Variants in PCDHA9 observed in about 807,000 individuals in gnomAD.
PCDHA9 encodes the protein protocadherin alpha 9, also known as protocadherin alpha-9.
A neutral mutation model predicts 62.0 loss-of-function variants in PCDHA9; 62 were observed. That is an observed-to-expected ratio of 1.00 (90% confidence interval 0.81 to 1.23). The LOEUF (loss-of-function observed/expected upper bound fraction) is 1.23. Ranked by LOEUF, PCDHA9 falls within the 50% of genes most tolerant of loss-of-function variation. PCDHA9 has a pLI of 0.00. For missense variants in PCDHA9, 1,205 were observed against 1,249.8 expected (o/e 0.96, Z 0.54); for synonymous variants, 557 against 567.6 (o/e 0.98, Z 0.27).
intron 1 of PCDHA9, among the ~76,000 whole-genome samples, chr5:140,961,071 G>GT (rs2095588240): frequency 6.6e-6 from 1 of 152,208 alleles, no homozygotes; most frequent in African/African-American, 2.4e-5. Flanking sequence ...GATATCTGGA[G>GT]TATCAAGTAA....
intron 1 of PCDHA9, chr5:140,869,872 A>G: frequency 6.2e-7 from 1 of 1,610,558 alleles, no homozygotes; most frequent in Admixed American, 1.7e-5. Context: ...AAATGCTGCT[A>G]AAGAAACTCT....
chr5:140,875,932 C>T, intron 1 of PCDHA9: 3 of 1,614,154 alleles, frequency 1.9e-6, no homozygotes, highest in South Asian at 1.1e-5. Flanking sequence ...TCATTTTCCT[C>T]TAGAGGGCGC....
intron 1 of PCDHA9, chr5:140,966,785 A>G: frequency 6.6e-7 from 1 of 1,522,872 alleles, no homozygotes. Flanking sequence ...GGCGGGCACC[A>G]GACCTGCGGC....
intron 1 of PCDHA9, among the ~76,000 whole-genome samples, chr5:140,964,203 C>T (rs2095816993): frequency 6.6e-6 from 1 of 152,212 alleles, no homozygotes; most frequent in African/African-American, 2.4e-5. Context: ...TATACCATCT[C>T]TTTAGTACAA....
At chr5:140,897,682 A>G (rs1397590916) in intron 1 of PCDHA9, among the ~76,000 whole-genome samples, 3 of 152,186 alleles carry the variant, frequency 2.0e-5, no homozygotes, top group Non-Finnish European at 4.4e-5. Flanking sequence ...AGCATGATTT[A>G]TAGTCCTTTG....
At chr5:140,977,936 A>G (rs1444613652) in intron 1 of PCDHA9, among the ~76,000 whole-genome samples, 2 of 152,202 alleles carry the variant, frequency 1.3e-5, no homozygotes, top group African/African-American at 4.8e-5. Context: ...CTATACCTCA[A>G]TATTCAGTGA....
At chr5:140,989,325 G>A (rs1389327103) in intron 3 of PCDHA9, among the ~76,000 whole-genome samples, 5 of 152,164 alleles carry the variant, frequency 3.3e-5, no homozygotes, top group African/African-American at 1.2e-4. Flanking sequence ...CACCAACTTT[G>A]CCACCTGACT....
intron 1 of PCDHA9, chr5:140,966,547 G>A (rs2096020137): frequency 2.1e-6 from 1 of 467,502 alleles, no homozygotes; most frequent in Non-Finnish European, 3.6e-6. Context: ...ACTCGGAGGC[G>A]AGCGGAGGAG....
rs1299546647 is a variant in PCDHA9 at position 140,935,314 on chromosome 5, A to T, written c.2395-43635A>T. 2.0e-5 allele frequency among the ~76,000 whole-genome samples: 3 copies of T among 152,208 alleles called. No homozygotes were observed. In the East Asian group the frequency reaches 5.8e-4, roughly 29 times the overall value. ...TCCGAGGTTTTTACTTAACTTCATC[A>T]ATCTTACATTCCTATTTCTCCCATA... On this transcript the variant is annotated intron_variant, in intron 1 of 3. Transcript: ENST00000532602.
At chr5:140,969,297 T>C in intron 1 of PCDHA9, 2 of 1,614,200 alleles carry the variant, frequency 1.2e-6, no homozygotes, top group Non-Finnish European at 1.7e-6. Context: ...GGGAACCTGA[T>C]TATTCTCAAA....
At chr5:140,967,690 C>T (rs782694266) in intron 1 of PCDHA9, 1 of 1,614,190 alleles carries the variant, frequency 6.2e-7, no homozygotes, top group Admixed American at 1.7e-5. Flanking sequence ...GGCAGCTCTT[C>T]AGCATAGATG....
chr5:140,910,808 G>A (rs535429898), intron 1 of PCDHA9, among the ~76,000 whole-genome samples: 1 of 152,170 alleles, frequency 6.6e-6, no homozygotes, highest in South Asian at 2.1e-4. Flanking sequence ...TGCTTAGTGG[G>A]CCCAAATCAA....
intron 1 of PCDHA9, among the ~76,000 whole-genome samples, chr5:140,942,239 T>C (rs1554214876): frequency 6.6e-6 from 1 of 152,156 alleles, no homozygotes; most frequent in African/African-American, 2.4e-5. Context: ...AAATAAGATA[T>C]CCATATCATT....
intron 1 of PCDHA9, among the ~76,000 whole-genome samples, chr5:140,941,191 T>TTTTTTTCTTTCTTTCTTTC (rs1554213809): frequency 2.1e-5 from 2 of 93,258 alleles, no homozygotes; most frequent in Admixed American, 1.2e-4. Context: ...GCTTCTTTTT[T>TTTTTTTCTTTCTTTCTTTC]TTTCTTTCTT....
chr5:140,921,228 T>G (rs1401455945), intron 1 of PCDHA9, among the ~76,000 whole-genome samples: 11 of 152,154 alleles, frequency 7.2e-5, no homozygotes, highest in African/African-American at 2.7e-4. Context: ...TTTTGCTAGA[T>G]GATATTAAGC....
At chr5:140,883,105 C>T in intron 1 of PCDHA9, 1 of 1,614,056 alleles carries the variant, frequency 6.2e-7, no homozygotes, top group Non-Finnish European at 8.5e-7. Context: ...ATATAGTTTA[C>T]TCATTTAGAA....
intron 1 of PCDHA9, among the ~76,000 whole-genome samples, chr5:140,878,613 C>T (rs1413546987): frequency 1.3e-5 from 2 of 152,184 alleles, no homozygotes; most frequent in Admixed American, 6.5e-5. Context: ...TTCTAATGTG[C>T]ATTTTACATA....
chr5:140,908,050 G>A (rs1554193217), intron 1 of PCDHA9, among the ~76,000 whole-genome samples: 1 of 152,120 alleles, frequency 6.6e-6, no homozygotes, highest in African/African-American at 2.4e-5. Context: ...TGCACATCCG[G>A]CCATTTCTCC....
At chr5:140,865,669 A>G (rs546524670) in intron 1 of PCDHA9, 4 of 152,306 alleles carry the variant, frequency 2.6e-5, no homozygotes, top group African/African-American at 9.6e-5. Flanking sequence ...ACTTATAACA[A>G]TTTCTAAAGT....
Sources: allele counts gnomAD v4.1 joint callset (sites outside exome capture counted in the v4.1 genomes callset), GRCh38; gene constraint gnomAD v4.1.1; transcripts MANE v1.5; gene names NCBI Gene and HGNC (gene_info 2026-07-23, HGNC 2026-07-21).